Variants in FER1L6 observed in about 807,000 individuals in gnomAD.
FER1L6 encodes the protein fer-1 like family member 6, also known as fer-1-like protein 6.
In FER1L6, 177 loss-of-function variants were observed where a neutral mutation model predicts 219.2. The ratio of observed to expected loss-of-function variants is 0.81; its 90% CI spans 0.71 to 0.91. FER1L6 has a LOEUF of 0.91. Among genes scored for constraint, FER1L6 ranks in the 40% least tolerant of loss-of-function variants. The pLI, the probability that FER1L6 is intolerant of heterozygous loss-of-function variation, is 0.00. For missense variants in FER1L6, 2,153 were observed against 2,259.9 expected, an observed-to-expected ratio of 0.95 and a Z score of 0.96; for synonymous variants, 768 against 824.3, an observed-to-expected ratio of 0.93 and a Z score of 1.17.
chr8:124,119,622 C>A lies in FER1L6; in HGVS notation c.5406C>A (p.Ser1802=), dbSNP rs564955928. 6.2e-7 allele frequency: 1 copy of A among 1,612,938 alleles called. No homozygotes were observed. The highest frequency in any genetic ancestry group is 2.2e-5 in the East Asian group (1 of 44,876). ...TCCCCCTCAGCCGCCCAGACACCTCCTTTTCGTGGTTCATGAGCCCCTTTA... is the reference window on the plus strand; with the variant it reads ...TCCCCCTCAGCCGCCCAGACACCTCATTTTCGTGGTTCATGAGCCCCTTTA... ...PLAKPNRPDT[S]FSWFMSPFKC... is the part of the protein sequence containing the mutation. The change falls in exon 41 of 41, where the codon TCC becomes TCA. Residue 1802 remains serine, a synonymous_variant. Coordinates refer to ENST00000522917, the MANE Select transcript of FER1L6 (RefSeq NM_001039112.2).
intron 1 of FER1L6, among the ~76,000 whole-genome samples, chr8:123,898,797 A>ATATGTACATATAGACG (rs1554613191): frequency 2.8e-5 from 4 of 143,056 alleles, no homozygotes; most frequent in Non-Finnish European, 6.0e-5. Context: ...ACATATATAC[A>ATATGTACATATAGACG]TATATACACA....
chr8:124,117,488 A>G (rs1171732579), intron 39 of FER1L6, among the ~76,000 whole-genome samples: 2 of 152,228 alleles, frequency 1.3e-5, no homozygotes, highest in Non-Finnish European at 2.9e-5. Flanking sequence ...AGATTTCTCA[A>G]TGGGAATGAA....
chr8:124,026,251 C>T (rs1212381977), intron 18 of FER1L6, among the ~76,000 whole-genome samples: 1 of 152,160 alleles, frequency 6.6e-6, no homozygotes, highest in African/African-American at 2.4e-5. Context: ...TTTACCCCCA[C>T]CAGCAACTGA....
chr8:124,116,387 G>A (rs956600345), intron 39 of FER1L6, among the ~76,000 whole-genome samples: 4 of 147,110 alleles, frequency 2.7e-5, no homozygotes, highest in African/African-American at 5.0e-5. Context: ...TATAAAGTGC[G>A]ATAGCCAAAA....
intron 1 of FER1L6, among the ~76,000 whole-genome samples, chr8:123,945,023 C>A (rs1266912721): frequency 6.6e-6 from 1 of 152,208 alleles, no homozygotes; most frequent in East Asian, 1.9e-4. Context: ...TTGCTCCCAT[C>A]ATAGATTGGG....
At chr8:123,890,625 ATTTTTTTTTTTT>A (rs59914385) in intron 1 of FER1L6, among the ~76,000 whole-genome samples, 1 of 91,424 alleles carries the variant, frequency 1.1e-5, no homozygotes. Flanking sequence ...TAAAAATTTG[ATTTTTTTTTTTT>A]TTTTTTTTTT....
At chr8:124,016,300 A>G (rs138898340) in intron 15 of FER1L6, among the ~76,000 whole-genome samples, 241 of 152,254 alleles carry the variant, frequency 1.6e-3, no homozygotes, top group African/African-American at 5.5e-3. Flanking sequence ...TAACATTACT[A>G]GTGTGTCCAA....
chr8:124,064,481 G>A lies in FER1L6; in HGVS notation c.3463G>A (p.Ala1155Thr), dbSNP rs776616131. 2 of 1,614,014 alleles carry A rather than the reference G, an allele frequency of 1.2e-6. No homozygotes were observed. The highest frequency in any genetic ancestry group is 4.5e-5 in the East Asian group (2 of 44,874). ...VVPDSAQAQP[A>T]ILVDVPDSSP... ...GCCCGACTCTGCCCAGGCCCAGCCG[G>A]CCATCCTGGTTGACGTCCCTGACTC... Residue 1155 changes from alanine (A) to threonine (T), a missense_variant, in exon 26 of 41, where the codon GCC (alanine) becomes ACC (threonine). Ala to Thr is a moderately conservative substitution (Grantham distance 58). Transcript: ENST00000522917.
At chr8:124,070,757 G>A (rs1821035671) in intron 30 of FER1L6, among the ~76,000 whole-genome samples, 159 bp downstream of exon 30, 1 of 152,116 alleles carries the variant, frequency 6.6e-6, no homozygotes, top group African/African-American at 2.4e-5. Flanking sequence ...CCTAGCCCCA[G>A]TCTTTTAAGA....
At chr8:123,954,161 C>T (rs1586509881) in intron 1 of FER1L6, among the ~76,000 whole-genome samples, 2 of 152,294 alleles carry the variant, frequency 1.3e-5, no homozygotes, top group East Asian at 3.9e-4. Flanking sequence ...AGGTACTGGA[C>T]TTGCCCAAGC....
chr8:124,096,613 C>G (rs1019056664), intron 35 of FER1L6, among the ~76,000 whole-genome samples: 4 of 152,282 alleles, frequency 2.6e-5, no homozygotes, highest in African/African-American at 9.6e-5. Flanking sequence ...GTATGGAGTT[C>G]AAGGCAATGA....
chr8:123,890,482 G>A (rs1007772480), intron 1 of FER1L6, among the ~76,000 whole-genome samples: 1 of 151,476 alleles, frequency 6.6e-6, no homozygotes, highest in Non-Finnish European at 1.5e-5. Context: ...TTATTGGAAG[G>A]CTTTTATTTG....
chr8:124,082,780 A>T (rs185690723), intron 33 of FER1L6, among the ~76,000 whole-genome samples: 1 of 152,334 alleles, frequency 6.6e-6, no homozygotes, highest in South Asian at 2.1e-4. Flanking sequence ...CTAGAAGAAT[A>T]ATTAATATAA....
rs1274418591 is a variant in FER1L6, at chr8:123,977,333, C to CT, written c.871-81dup. On this transcript the variant is annotated intron_variant, in intron 9 of 40. Coordinates refer to ENST00000522917, the MANE Select transcript of FER1L6 (RefSeq NM_001039112.2). ...CAGGTTCATTATCTTTGAAAACTCA[C>CT]TTTATACTTCCAGCTGGCTTGAAGA... 4.8e-5 allele frequency: 66 copies of CT among 1,380,698 alleles called. No individual in the cohort carries two copies. In the African/African-American group the frequency reaches 9.1e-4, roughly 19 times the overall value. 85.5% of individuals were successfully genotyped at this position (1,380,698 alleles called of 1,614,324 possible). A position where few individuals can be genotyped will look rare whatever the true frequency, so the allele number is the denominator to read the frequency against.
chr8:123,938,809 A>T (rs1563695699), intron 1 of FER1L6, among the ~76,000 whole-genome samples: 1 of 152,058 alleles, frequency 6.6e-6, no homozygotes, highest in Non-Finnish European at 1.5e-5. Context: ...TGACCTCCCA[A>T]AGTGCTGAGA....
chr8:123,866,009 C>CA (rs1816831512), intron 1 of FER1L6, among the ~76,000 whole-genome samples: 1 of 151,406 alleles, frequency 6.6e-6, no homozygotes. Context: ...TCCTCCCCCC[C>CA]ACATTTTCTT....
chr8:124,038,795 T>C (rs1819331397), intron 19 of FER1L6, among the ~76,000 whole-genome samples: 1 of 152,192 alleles, frequency 6.6e-6, no homozygotes, highest in African/African-American at 2.4e-5. Flanking sequence ...AGGGTATTTG[T>C]ACCCTTAATT....
At chr8:124,087,501 C>T (rs1158145633) in intron 33 of FER1L6, among the ~76,000 whole-genome samples, 1 of 152,106 alleles carries the variant, frequency 6.6e-6, no homozygotes, top group Non-Finnish European at 1.5e-5. Flanking sequence ...TTTTGTTGAG[C>T]TTCCTTAATG....
intron 31 of FER1L6, among the ~76,000 whole-genome samples, chr8:124,074,014 T>G (rs535441480): frequency 5.6e-4 from 85 of 152,336 alleles, no homozygotes; most frequent in African/African-American, 1.7e-3. Context: ...TACAGCTTTA[T>G]AGGCTCACCT....
Sources: allele counts gnomAD v4.1 joint callset (sites outside exome capture counted in the v4.1 genomes callset), GRCh38; gene constraint gnomAD v4.1.1; transcripts MANE v1.5; gene names NCBI Gene and HGNC (gene_info 2026-07-23, HGNC 2026-07-21).